The following GALNT13 variants were observed in gnomAD, a reference collection of about 807,000 sequenced individuals.
The protein encoded by GALNT13 is UDP-GalNAc:polypeptide N-acetylgalactosaminyltransferase 13.
GALNT13 carries 28 observed loss-of-function variants against 64.2 expected under a neutral mutation model. The observed-to-expected ratio is 0.44, with a 90% CI of 0.32 to 0.60. The LOEUF is 0.60. Ranked by LOEUF, GALNT13 falls within the 20% of genes least tolerant of loss-of-function variation. The pLI is 0.05. For synonymous variants in GALNT13, 214 were observed against 224.6 expected (o/e 0.95, Z 0.42); for missense variants, 577 against 669.8 (o/e 0.86, Z 1.53).
intron 1 of GALNT13, among the ~76,000 whole-genome samples, chr2:153,874,287 C>T (rs978123131): frequency 6.6e-6 from 1 of 151,864 alleles, no homozygotes; most frequent in Non-Finnish European, 1.5e-5. Flanking sequence ...TCACATCTCT[C>T]CTTTAGCCCC....
the GALNT13 span, among the ~76,000 whole-genome samples, chr2:153,447,165 C>T: frequency 3.9e-5 from 6 of 152,152 alleles, no homozygotes; most frequent in African/African-American, 1.4e-4. Context: ...AAATGGCATA[C>T]ATCTCTAAGT....
At chr2:153,526,957 T>G in the GALNT13 span, among the ~76,000 whole-genome samples, 1 of 151,920 alleles carries the variant, frequency 6.6e-6, no homozygotes, top group East Asian at 1.9e-4. Context: ...GAAGAAACCC[T>G]TAAAGATAAG....
the GALNT13 span, among the ~76,000 whole-genome samples, chr2:153,536,415 T>C: frequency 6.6e-6 from 1 of 152,196 alleles, no homozygotes; most frequent in Non-Finnish European, 1.5e-5. Context: ...GGGCATTCAT[T>C]TTCCCTATTG....
chr2:153,140,113 T>C, the GALNT13 span, among the ~76,000 whole-genome samples: 5 of 152,044 alleles, frequency 3.3e-5, no homozygotes, highest in East Asian at 3.9e-4. Flanking sequence ...TAAGATTTGT[T>C]ACGCCAGATT....
At chr2:153,589,038 G>A in the GALNT13 span, among the ~76,000 whole-genome samples, 3 of 152,184 alleles carry the variant, frequency 2.0e-5, no homozygotes, top group African/African-American at 4.8e-5. Context: ...TGTAATCCCC[G>A]CTACTCGGGA....
intron 8 of GALNT13, among the ~76,000 whole-genome samples, chr2:154,267,050 G>A (rs145172407): frequency 6.3e-4 from 96 of 152,048 alleles, no homozygotes; most frequent in African/African-American, 2.0e-3. Context: ...TAACACATAC[G>A]TGGACAACTG....
At chr2:154,070,831 T>G (rs1215211873) in intron 3 of GALNT13, among the ~76,000 whole-genome samples, 1 of 151,668 alleles carries the variant, frequency 6.6e-6, no homozygotes, top group Non-Finnish European at 1.5e-5. Flanking sequence ...GCAGGAGAAT[T>G]GCTTGAACCC....
At chr2:153,880,509 T>A (rs1042760835) in intron 1 of GALNT13, among the ~76,000 whole-genome samples, 2 of 152,190 alleles carry the variant, frequency 1.3e-5, no homozygotes, top group African/African-American at 4.8e-5. Context: ...AACAATGTGA[T>A]TTCCAATTCA....
the GALNT13 span, among the ~76,000 whole-genome samples, chr2:153,684,198 G>A: frequency 6.6e-6 from 1 of 151,682 alleles, no homozygotes; most frequent in Non-Finnish European, 1.5e-5. Context: ...TAACAAGTGA[G>A]ATTAGTAGAA....
the GALNT13 span, among the ~76,000 whole-genome samples, chr2:153,764,109 A>T: frequency 5.3e-5 from 8 of 152,200 alleles, no homozygotes; most frequent in African/African-American, 1.7e-4. Context: ...TTGGGAACTG[A>T]AGTAAAGGTC....
chr2:153,345,902 T>A, the GALNT13 span, among the ~76,000 whole-genome samples: 1 of 151,814 alleles, frequency 6.6e-6, no homozygotes, highest in Non-Finnish European at 1.5e-5. Flanking sequence ...CTCAGGTGAT[T>A]CTGTCACCTC....
chr2:153,676,005 C>T, the GALNT13 span, among the ~76,000 whole-genome samples: 1 of 151,948 alleles, frequency 6.6e-6, no homozygotes, highest in Non-Finnish European at 1.5e-5. Context: ...AGAAAAGTAA[C>T]AACTACAATC....
At chr2:154,392,601 T>C (rs532860017) in intron 9 of GALNT13, among the ~76,000 whole-genome samples, 1 of 152,206 alleles carries the variant, frequency 6.6e-6, no homozygotes, top group Non-Finnish European at 1.5e-5. Flanking sequence ...ACAATTGGGC[T>C]GGTTTCAAAG....
the GALNT13 span, among the ~76,000 whole-genome samples, chr2:153,191,733 T>A: frequency 1.7e-3 from 263 of 151,526 alleles, 4 homozygotes; most frequent in African/African-American, 6.2e-3. Context: ...ACCGATTCAA[T>A]GTTGTTACTT....
the GALNT13 span, among the ~76,000 whole-genome samples, chr2:153,344,253 T>C: frequency 1.3e-4 from 20 of 152,242 alleles, no homozygotes; most frequent in African/African-American, 4.1e-4. Flanking sequence ...GTCTCAATAA[T>C]GTCCTTTGTA....
the GALNT13 span, among the ~76,000 whole-genome samples, chr2:153,329,782 A>G: frequency 6.6e-6 from 1 of 152,134 alleles, no homozygotes; most frequent in African/African-American, 2.4e-5. Context: ...TTAGTTTAAT[A>G]AGGCCCCATT....
intron 3 of GALNT13, among the ~76,000 whole-genome samples, chr2:154,090,488 C>T (rs1701751618): frequency 6.6e-6 from 1 of 151,990 alleles, no homozygotes; most frequent in Admixed American, 6.6e-5. Flanking sequence ...AAAGAAATGT[C>T]AAACTTGATT....
the GALNT13 span, among the ~76,000 whole-genome samples, chr2:153,559,894 A>G: frequency 2.0e-5 from 3 of 152,252 alleles, no homozygotes; most frequent in African/African-American, 7.2e-5. Context: ...TTTGTTTTAA[A>G]GATAACAAGT....
chr2:154,370,837 TA>T (rs1322150884), intron 9 of GALNT13, among the ~76,000 whole-genome samples: 10 of 152,254 alleles, frequency 6.6e-5, no homozygotes, highest in African/African-American at 2.4e-4. Flanking sequence ...TCCACTGGAC[TA>T]AATGAGATGC....
Sources: gnomAD v4.1 joint callset for allele counts (sites outside exome capture counted in the v4.1 genomes callset) on GRCh38, gnomAD v4.1.1 for gene constraint, MANE v1.5 for transcripts, NCBI Gene and HGNC (gene_info 2026-07-23, HGNC 2026-07-21) for gene names.